PLD5: variants seen among roughly 807,000 people sequenced by gnomAD.
PLD5 encodes inactive phospholipase D5.
In PLD5, 36 loss-of-function variants were observed where a neutral mutation model predicts 61.1. The ratio of observed to expected loss-of-function variants is 0.59; its 90% CI spans 0.45 to 0.78. The LOEUF (loss-of-function observed/expected upper bound fraction) is 0.78. Among genes scored for constraint, PLD5 ranks in the 30% least tolerant of loss-of-function variants. The pLI is 0.00. For missense variants in PLD5, 515 were observed against 644.4 expected, an observed-to-expected ratio of 0.80 and a Z score of 2.17; for synonymous variants, 243 against 242.8, an observed-to-expected ratio of 1.00 and a Z score of -0.01.
At chr1:242,124,839 ATATT>A (rs1396313799) in intron 5 of PLD5, among the ~76,000 whole-genome samples, 174 bp from the exon 6 acceptor site, 2 of 152,244 alleles carry the variant, frequency 1.3e-5, no homozygotes, top group African/African-American at 4.8e-5. Context: ...AAAATGCTAA[ATATT>A]TAAGTAAAAT....
intron 3 of PLD5, among the ~76,000 whole-genome samples, chr1:242,282,353 C>T (rs1191566626): frequency 6.6e-6 from 1 of 152,178 alleles, no homozygotes; most frequent in East Asian, 1.9e-4. Context: ...ACCTCAGCTC[C>T]ACTCCTGGCT....
intron 1 of PLD5, among the ~76,000 whole-genome samples, chr1:242,369,220 T>C (rs191595741): frequency 1.3e-5 from 2 of 152,312 alleles, no homozygotes; most frequent in East Asian, 3.9e-4. Flanking sequence ...TTGCATGAGT[T>C]TGGAAACAAT....
At position 242,449,463 on chromosome 1, in the gene PLD5, T is replaced by C. The variant is rs539501400; in HGVS notation, c.189+74625A>G. 5.9e-6 allele frequency: 9 copies of C among 1,534,512 alleles called. No individual in the cohort carries two copies. The African/African-American group carries it at 1.1e-4, about 19-fold the overall frequency. ...GCCTTCAGAGGCAGAGAATGTTTCATGTGGCACAAACGTATCACCACCGAT... is the reference window on the plus strand; with the variant it reads ...GCCTTCAGAGGCAGAGAATGTTTCACGTGGCACAAACGTATCACCACCGAT... On this transcript the variant is annotated intron_variant, in intron 1 of 9. Transcript: ENST00000536534.
intron 1 of PLD5, among the ~76,000 whole-genome samples, chr1:242,363,103 C>T (rs1358058851): frequency 6.6e-6 from 1 of 152,066 alleles, no homozygotes; most frequent in Non-Finnish European, 1.5e-5. Flanking sequence ...CTTGAGTCTT[C>T]AGCTGAGTGC....
At chr1:242,372,725 A>G (rs1259209160) in intron 1 of PLD5, among the ~76,000 whole-genome samples, 1 of 152,232 alleles carries the variant, frequency 6.6e-6, no homozygotes, top group Non-Finnish European at 1.5e-5. Flanking sequence ...GGTGCTGGGA[A>G]AACTGGCTAG....
At chr1:242,341,817 T>G (rs1197379196) in intron 2 of PLD5, among the ~76,000 whole-genome samples, 1 of 142,906 alleles carries the variant, frequency 7.0e-6, no homozygotes, top group Non-Finnish European at 1.5e-5. Context: ...GAGATACAGA[T>G]AGATAGACTG....
chr1:242,495,207 C>T (rs545748004), intron 1 of PLD5, among the ~76,000 whole-genome samples: 73 of 152,216 alleles, frequency 4.8e-4, no homozygotes, highest in Middle Eastern at 6.8e-3. Flanking sequence ...ACAAAGTCCT[C>T]TCCAATCTCC....
intron 1 of PLD5, among the ~76,000 whole-genome samples, chr1:242,426,871 T>C (rs1275228139): frequency 6.6e-6 from 1 of 152,180 alleles, no homozygotes; most frequent in Non-Finnish European, 1.5e-5. Flanking sequence ...GCCAATGGCA[T>C]GTGAGCAGAA....
rs897848365 is a variant in PLD5, at chr1:242,394,071, T to C, written c.190-45829A>G. On this transcript the variant is annotated intron_variant, in intron 1 of 9. Transcript: ENST00000536534. The stretch of plus-strand genomic sequence containing the variant: ...CGACTCCATCTCAAAAAAAAACATA[T>C]ATATATATGAGTATATATATGTATA... Among the ~76,000 whole-genome samples the C allele has an allele frequency of 2.7e-5, 4 of 146,066 alleles. 1 individual carries two copies. Among genetic ancestry groups the C allele is most frequent in the South Asian group, 2.1e-4 (1 of 4,662 alleles).
At chr1:242,158,181 G>A (rs574746393) in intron 5 of PLD5, among the ~76,000 whole-genome samples, 2 of 152,300 alleles carry the variant, frequency 1.3e-5, no homozygotes, top group South Asian at 4.1e-4. Flanking sequence ...CATCCCAGGT[G>A]GATCTGAGCC....
chr1:242,319,025 A>G (rs1377071935), intron 2 of PLD5, among the ~76,000 whole-genome samples: 1 of 152,068 alleles, frequency 6.6e-6, no homozygotes, highest in African/African-American at 2.4e-5. Flanking sequence ...TTGGACTATG[A>G]GCAGAATTGG....
chr1:242,118,335 G>A (rs776990620), intron 6 of PLD5, among the ~76,000 whole-genome samples: 17 of 152,162 alleles, frequency 1.1e-4, no homozygotes, highest in Non-Finnish European at 1.5e-4. Flanking sequence ...TCTTCTGTGC[G>A]TGCTTTCATT....
At chr1:242,455,392 G>C (rs1200943609) in intron 1 of PLD5, among the ~76,000 whole-genome samples, 1 of 152,078 alleles carries the variant, frequency 6.6e-6, no homozygotes, top group Non-Finnish European at 1.5e-5. Context: ...TTGACATAAA[G>C]GACCGTCCCA....
chr1:242,338,105 G>A (rs2149209724), intron 2 of PLD5, among the ~76,000 whole-genome samples: 1 of 152,284 alleles, frequency 6.6e-6, no homozygotes, highest in Non-Finnish European at 1.5e-5. Context: ...TTTTTCTGTT[G>A]AAAATTTTTT....
At chr1:242,212,760 A>T (rs758653049) in intron 5 of PLD5, among the ~76,000 whole-genome samples, 1 of 152,226 alleles carries the variant, frequency 6.6e-6, no homozygotes, top group Non-Finnish European at 1.5e-5. Context: ...CTCCTTATGT[A>T]CAAGCGACAT....
chr1:242,193,769 A>C (rs968865590), intron 5 of PLD5, among the ~76,000 whole-genome samples: 1 of 152,180 alleles, frequency 6.6e-6, no homozygotes, highest in Non-Finnish European at 1.5e-5. Context: ...CTCAGCCCCA[A>C]ATCTGTGACC....
At chr1:242,239,862 A>G (rs1671885262) in intron 4 of PLD5, among the ~76,000 whole-genome samples, 1 of 152,222 alleles carries the variant, frequency 6.6e-6, no homozygotes, top group Non-Finnish European at 1.5e-5. Flanking sequence ...TGTTATTACT[A>G]TTATTACTAT....
intron 1 of PLD5, among the ~76,000 whole-genome samples, chr1:242,460,636 C>T (rs1667088815): frequency 2.0e-5 from 3 of 152,204 alleles, no homozygotes; most frequent in African/African-American, 7.2e-5. Context: ...CACATACATA[C>T]ATACACACAC....
At chr1:242,255,238 AAGGT>A (rs1284986305) in intron 4 of PLD5, among the ~76,000 whole-genome samples, 2 of 152,124 alleles carry the variant, frequency 1.3e-5, no homozygotes, top group East Asian at 3.8e-4. Flanking sequence ...GTGGAAATGA[AAGGT>A]AGAATAATAT....
Sources: gnomAD v4.1 joint callset for allele counts (sites outside exome capture counted in the v4.1 genomes callset) on GRCh38, gnomAD v4.1.1 for gene constraint, MANE v1.5 for transcripts, NCBI Gene and HGNC (gene_info 2026-07-23, HGNC 2026-07-21) for gene names.